HDAC4: variants seen among roughly 807,000 people sequenced by gnomAD.
The protein encoded by HDAC4 is histone deacetylase A.
HDAC4 carries 16 observed loss-of-function variants against 135.1 expected under a neutral mutation model. The observed-to-expected ratio is 0.12, with a 90% confidence interval of 0.08 to 0.18. The LOEUF (loss-of-function observed/expected upper bound fraction) is 0.18. Among genes scored for constraint, HDAC4 ranks in the 10% least tolerant of loss-of-function variants. The probability of loss-of-function intolerance (pLI) is 1.00; values close to 1 mark genes in which losing one functional copy is unlikely to be tolerated. For missense variants in HDAC4, 1,143 were observed against 1,511.8 expected (o/e 0.76, Z 4.05); for synonymous variants, 685 against 653.4 (o/e 1.05, Z -0.74).
intron 3 of HDAC4, among the ~76,000 whole-genome samples, chr2:239,223,361 G>T (rs920192023): frequency 1.3e-5 from 2 of 152,216 alleles, no homozygotes; most frequent in Non-Finnish European, 2.9e-5. Flanking sequence ...CGTACATTCC[G>T]CCGGGGCTTT....
intron 9 of HDAC4, among the ~76,000 whole-genome samples, chr2:239,135,022 C>G (rs1343302674): frequency 1.3e-5 from 2 of 152,196 alleles, no homozygotes; most frequent in Non-Finnish European, 2.9e-5. Flanking sequence ...TTGTAGTTGG[C>G]AATGTCTTTC....
chr2:239,159,905 C>T (rs1474869582), intron 6 of HDAC4, among the ~76,000 whole-genome samples: 1 of 152,400 alleles, frequency 6.6e-6, no homozygotes, highest in Admixed American at 6.5e-5. Flanking sequence ...ACCCGGATGC[C>T]ACACCTAAAG....
At chr2:239,221,475 G>A (rs1404288815) in intron 3 of HDAC4, among the ~76,000 whole-genome samples, 1 of 152,198 alleles carries the variant, frequency 6.6e-6, no homozygotes, top group Non-Finnish European at 1.5e-5. Flanking sequence ...GAGACCCTGT[G>A]CCCCTCCCCA....
rs1208994377 is a variant in HDAC4, at chr2:239,167,311, C to T, written c.491-3388G>A. ...TATGACCCACGTCCTCTCCCTGCTT[C>T]TGCAAACACCATTCGGTGGCAAAGG... On this transcript the variant is annotated intron_variant, in intron 5 of 26. Transcript: ENST00000543185. The surrounding 1 kb of genome is among the most constrained non-coding windows in gnomAD (Gnocchi z 4.1). Among the ~76,000 whole-genome samples the T allele has an allele frequency of 6.6e-6, 1 of 152,214 alleles. No individual in the cohort carries two copies. The highest frequency in any genetic ancestry group is 1.9e-4 in the East Asian group (1 of 5,180).
chr2:239,280,471 G>A (rs905371158), intron 2 of HDAC4, among the ~76,000 whole-genome samples: 5 of 152,194 alleles, frequency 3.3e-5, no homozygotes, highest in African/African-American at 1.2e-4. Flanking sequence ...CGATGGGCGA[G>A]CCAGGGGCAC....
chr2:239,082,242 A>G, intron 20 of HDAC4, 21 bp from the exon 21 acceptor site: 2 of 1,614,106 alleles, frequency 1.2e-6, no homozygotes, highest in Non-Finnish European at 1.7e-6. Context: ...AGGGACAACT[A>G]CTTCAGGGCT....
intron 12 of HDAC4, among the ~76,000 whole-genome samples, chr2:239,125,730 T>C (rs1376343452): frequency 6.6e-6 from 1 of 152,228 alleles, no homozygotes; most frequent in Non-Finnish European, 1.5e-5. Context: ...AATCAGCATG[T>C]TAGTTTTCCT....
intron 3 of HDAC4, among the ~76,000 whole-genome samples, chr2:239,191,639 C>T (rs1311337003): frequency 6.6e-6 from 1 of 152,224 alleles, no homozygotes; most frequent in Admixed American, 6.5e-5. Context: ...GCCGCTTAGC[C>T]GTGGGAGCTG....
intron 24 of HDAC4, among the ~76,000 whole-genome samples, chr2:239,058,057 A>G (rs569703027): frequency 6.6e-6 from 1 of 152,328 alleles, no homozygotes; most frequent in South Asian, 2.1e-4. Context: ...AGTGTCTGAT[A>G]AACAAGTAGT....
At chr2:239,186,233 TTAA>T (rs1213621309) in intron 4 of HDAC4, among the ~76,000 whole-genome samples, 1 of 152,094 alleles carries the variant, frequency 6.6e-6, no homozygotes, top group Non-Finnish European at 1.5e-5. Flanking sequence ...TTACCCAACA[TTAA>T]TAATTTAAGT....
chr2:239,194,703 G>A (rs1293201452), intron 3 of HDAC4, among the ~76,000 whole-genome samples: 2 of 152,242 alleles, frequency 1.3e-5, no homozygotes, highest in Non-Finnish European at 2.9e-5. Flanking sequence ...TTCTGTGACA[G>A]CACAGAGAGG....
intron 2 of HDAC4, among the ~76,000 whole-genome samples, chr2:239,323,835 G>A (rs966791316): frequency 2.0e-5 from 3 of 152,118 alleles, no homozygotes; most frequent in Non-Finnish European, 2.9e-5. Flanking sequence ...ACTCAAGCAG[G>A]CAGAAGCGCC....
chr2:239,327,970 G>A (rs962613914), intron 2 of HDAC4, among the ~76,000 whole-genome samples: 1 of 152,192 alleles, frequency 6.6e-6, no homozygotes, highest in Non-Finnish European at 1.5e-5. Flanking sequence ...CTGAATGTCT[G>A]TACAGGCCCA....
intron 2 of HDAC4, among the ~76,000 whole-genome samples, chr2:239,321,575 C>T (rs572455183): frequency 2.0e-5 from 3 of 151,820 alleles, no homozygotes; most frequent in Non-Finnish European, 4.4e-5. Flanking sequence ...TACATTATCC[C>T]TGAAGGAGTA....
chr2:239,208,893 CTTTG>C (rs1418106253), intron 3 of HDAC4, among the ~76,000 whole-genome samples: 5 of 151,544 alleles, frequency 3.3e-5, no homozygotes, highest in Non-Finnish European at 5.9e-5. Context: ...GACTTTTTTT[CTTTG>C]TTTGAGACAG....
chr2:239,155,925 C>T (rs77277033), intron 7 of HDAC4, among the ~76,000 whole-genome samples: 23 of 152,330 alleles, frequency 1.5e-4, no homozygotes, highest in African/African-American at 5.3e-4. Context: ...CTGGAAGGCA[C>T]TCCCTGGCCC....
intron 12 of HDAC4, among the ~76,000 whole-genome samples, chr2:239,123,364 C>G (rs909443903): frequency 9.8e-5 from 15 of 152,300 alleles, no homozygotes; most frequent in Admixed American, 2.0e-4. Flanking sequence ...TCCCTGCTGT[C>G]CGCTGATGAG....
At chr2:239,122,586 C>T (rs1013211332) in intron 12 of HDAC4, among the ~76,000 whole-genome samples, 1 of 152,208 alleles carries the variant, frequency 6.6e-6, no homozygotes, top group African/African-American at 2.4e-5. Flanking sequence ...CTGCCACCAT[C>T]CCGACCACAG....
intron 1 of HDAC4, among the ~76,000 whole-genome samples, chr2:239,386,332 C>G (rs1052922782): frequency 1.3e-5 from 2 of 152,074 alleles, no homozygotes; most frequent in East Asian, 1.9e-4. Context: ...AAATGGGTGG[C>G]ACTGGAGGGA....
Sources: gnomAD v4.1 joint callset for allele counts (sites outside exome capture counted in the v4.1 genomes callset) on GRCh38, gnomAD v4.1.1 for gene constraint, Gnocchi (gnomAD v3.1) non-coding constraint, MANE v1.5 for transcripts, NCBI Gene and HGNC (gene_info 2026-07-23, HGNC 2026-07-21) for gene names.